YPEL5: variants seen among roughly 807,000 people sequenced by gnomAD.
The protein encoded by YPEL5 is protein yippee-like 5.
A neutral mutation model predicts 10.5 loss-of-function variants in YPEL5; 1 was observed. That is an observed-to-expected ratio of 0.10 (90% CI 0.03 to 0.45). The LOEUF is 0.45. Among genes scored for constraint, YPEL5 ranks in the 20% least tolerant of loss-of-function variants. The pLI, the probability that YPEL5 is intolerant of heterozygous loss-of-function variation, is 0.97. For missense variants in YPEL5, 68 were observed against 159.3 expected, an observed-to-expected ratio of 0.43 and a Z score of 3.09; for synonymous variants, 61 against 56.6, an observed-to-expected ratio of 1.08 and a Z score of -0.35.
intron 1 of YPEL5, among the ~76,000 whole-genome samples, chr2:30,147,363 G>A (rs959151824): frequency 1.3e-5 from 2 of 148,498 alleles, no homozygotes; most frequent in Non-Finnish European, 3.0e-5. Context: ...GACAACAGCC[G>A]CAACCCCTCC....
At chr2:30,148,627 A>G (rs1294440299) in intron 1 of YPEL5, 1 of 152,254 alleles carries the variant, frequency 6.6e-6, no homozygotes, top group Admixed American at 6.5e-5. Flanking sequence ...TCGAGCAATA[A>G]TTTTAGCAAG....
intron 1 of YPEL5, among the ~76,000 whole-genome samples, chr2:30,151,606 A>G (rs1675797587): frequency 6.6e-6 from 1 of 152,150 alleles, no homozygotes; most frequent in Admixed American, 6.6e-5. Context: ...CCTTTTTAGG[A>G]TTTTTATAAC....
intron 1 of YPEL5, among the ~76,000 whole-genome samples, chr2:30,150,751 C>T (rs773200472): frequency 5.9e-5 from 9 of 152,148 alleles, no homozygotes; most frequent in Non-Finnish European, 8.8e-5. Context: ...ATGCAAAGCT[C>T]TTTCACTATC....
Position 30,159,084 on chromosome 2 carries a change from T to C in YPEL5, c.*241T>C, listed in dbSNP as rs1676168832. 1 of 509,036 alleles carries C rather than the reference T, an allele frequency of 2.0e-6. No individual in the cohort carries two copies. 31.5% of individuals were successfully genotyped at this position (509,036 alleles called of 1,614,324 possible). ...TGCCGTTAATTTTTTACCCTATGTT[T>C]ACATCTTGAGGCAGCAGAGTCTGTC... On this transcript the variant is annotated 3_prime_UTR_variant, in exon 3 of 3. Coordinates refer to ENST00000261353, the MANE Select transcript of YPEL5 (RefSeq NM_016061.3).
Position 30,159,825 on chromosome 2 carries a change from C to T in YPEL5, c.*982C>T, listed in dbSNP as rs1676206404. ...AAATGAAGCAACTTGTCTAAAAATACTGCTTTACAAAGCATTTCAGCCTTT... is the reference window on the plus strand; with the variant it reads ...AAATGAAGCAACTTGTCTAAAAATATTGCTTTACAAAGCATTTCAGCCTTT... On this transcript the variant is annotated 3_prime_UTR_variant, in exon 3 of 3. Transcript: ENST00000261353. 1 of 152,324 alleles carries T rather than the reference C, an allele frequency of 6.6e-6. No homozygotes were observed. Among genetic ancestry groups the T allele is most frequent in the Admixed American group, 6.5e-5 (1 of 15,280 alleles). The allele number at this position is 152,324 out of a possible 1,614,324, so 9.4% of individuals were successfully genotyped here. A position where few individuals can be genotyped will look rare whatever the true frequency, so the allele number is the denominator to read the frequency against.
intron 1 of YPEL5, among the ~76,000 whole-genome samples, chr2:30,152,137 TGTAGA>T (rs1675822817): frequency 6.6e-6 from 1 of 152,192 alleles, no homozygotes; most frequent in Admixed American, 6.5e-5. Flanking sequence ...AACTTTGTCA[TGTAGA>T]GTATTCCTTA....
intron 1 of YPEL5, among the ~76,000 whole-genome samples, chr2:30,152,724 T>A (rs1317302516): frequency 6.6e-6 from 1 of 152,168 alleles, no homozygotes; most frequent in African/African-American, 2.4e-5. Context: ...CTTTAAAAAT[T>A]GTCAAAATTA....
intron 1 of YPEL5, chr2:30,155,927 A>G (rs981128560): frequency 6.6e-6 from 1 of 152,260 alleles, no homozygotes. Context: ...TGCATTCTGT[A>G]CTTTTCTGTA....
chr2:30,153,197 C>T lies in YPEL5; in HGVS notation c.-24-3431C>T, dbSNP rs1454082226. ...GATTACAGGTGTGAGCCACCGCGCC[C>T]GGCCTTTGTCCTCCTTAAATAAGTG... On this transcript the variant is annotated intron_variant, in intron 1 of 2. Coordinates refer to ENST00000261353, the MANE Select transcript of YPEL5 (RefSeq NM_016061.3). Among the ~76,000 whole-genome samples the T allele has an allele frequency of 3.3e-5, 5 of 152,300 alleles. No individual in the cohort carries two copies. In the East Asian group the frequency reaches 5.8e-4, roughly 18 times the overall value.
At chr2:30,150,695 A>G (rs538789928) in intron 1 of YPEL5, among the ~76,000 whole-genome samples, 1 of 152,360 alleles carries the variant, frequency 6.6e-6, no homozygotes, top group South Asian at 2.1e-4. Context: ...TTTAATCCCA[A>G]ATGCCAACCA....
chr2:30,152,654 C>T (rs546301726), intron 1 of YPEL5, among the ~76,000 whole-genome samples: 3 of 152,256 alleles, frequency 2.0e-5, no homozygotes, highest in East Asian at 3.9e-4. Flanking sequence ...GTGGCTTGGC[C>T]ACTTCTGGAA....
chr2:30,150,504 A>T (rs1489363114), intron 1 of YPEL5, among the ~76,000 whole-genome samples: 1 of 152,164 alleles, frequency 6.6e-6, no homozygotes, highest in Non-Finnish European at 1.5e-5. Context: ...TCCACAGTTT[A>T]AGTCCTGGGG....
intron 1 of YPEL5, among the ~76,000 whole-genome samples, chr2:30,155,436 T>G (rs536527415): frequency 2.0e-5 from 3 of 152,328 alleles, no homozygotes; most frequent in African/African-American, 7.2e-5. Context: ...AACAGTAGAT[T>G]CTCATTATGA....
intron 2 of YPEL5, 61 bp from the exon 3 acceptor site, chr2:30,158,558 G>A: frequency 6.6e-7 from 1 of 1,509,224 alleles, no homozygotes; most frequent in African/African-American, 1.4e-5. Context: ...ATAATATTTT[G>A]TACATACTTG....
chr2:30,147,826 G>C lies in YPEL5; in HGVS notation c.-25+764G>C, dbSNP rs916335743. 3.9e-5 allele frequency: 6 copies of C among 154,008 alleles called. No individual in the cohort carries two copies. The Admixed American group carries it at 3.9e-4, about 10-fold the overall frequency. 9.5% of individuals were successfully genotyped at this position (154,008 alleles called of 1,614,324 possible). A position where few individuals can be genotyped will look rare whatever the true frequency, so the allele number is the denominator to read the frequency against. ...GCTCAGCTGTTTCCTGCTCGTGTTT[G>C]TTGTGCCGAGGGAGGCCCCGCCGCC... On this transcript the variant is annotated intron_variant, in intron 1 of 2. Transcript: ENST00000261353.
intron 1 of YPEL5, among the ~76,000 whole-genome samples, chr2:30,148,952 G>C (rs1252532646): frequency 6.6e-6 from 1 of 152,202 alleles, no homozygotes; most frequent in Admixed American, 6.5e-5. Context: ...ATAATCCTGT[G>C]TAGTAATGTC....
chr2:30,158,860 C>G lies in YPEL5; in HGVS notation c.*17C>G, dbSNP rs1320205737. 5.6e-6 allele frequency: 9 copies of G among 1,611,132 alleles called. No individual in the cohort carries two copies. The highest frequency in any genetic ancestry group is 7.6e-6 in the Non-Finnish European group (9 of 1,177,738). On this transcript the variant is annotated 3_prime_UTR_variant, in exon 3 of 3. Coordinates refer to ENST00000261353, the MANE Select transcript of YPEL5 (RefSeq NM_016061.3). ...AACTCTTGAAGATACAGAGAGAAATCCATCTTTTCCCAGGTCTCCTTCACT... is the reference window on the plus strand; with the variant it reads ...AACTCTTGAAGATACAGAGAGAAATGCATCTTTTCCCAGGTCTCCTTCACT...
Position 30,159,169 on chromosome 2 carries a change from T to G in YPEL5, c.*326T>G, listed in dbSNP as rs1676172571. The G allele has an allele frequency of 4.2e-6, 1 of 240,708 alleles. No homozygotes were observed. Among genetic ancestry groups the G allele is most frequent in the South Asian group, 9.8e-5 (1 of 10,224 alleles). 14.9% of individuals were successfully genotyped at this position (240,708 alleles called of 1,614,324 possible). ...TCTGGGCTGTTAGAGTGAAAAAGTG[T>G]GTTTTATGTCAATTGTGAAAGGAAA... On this transcript the variant is annotated 3_prime_UTR_variant, in exon 3 of 3. Coordinates refer to ENST00000261353, the MANE Select transcript of YPEL5 (RefSeq NM_016061.3).
chr2:30,157,150 G>GT (rs1389000379), intron 2 of YPEL5, among the ~76,000 whole-genome samples: 9 of 152,130 alleles, frequency 5.9e-5, no homozygotes, highest in Non-Finnish European at 1.2e-4. Flanking sequence ...GGGCGTGGTG[G>GT]TGTGTGCCTC....
Sources: allele counts gnomAD v4.1 joint callset (sites outside exome capture counted in the v4.1 genomes callset), GRCh38; gene constraint gnomAD v4.1.1; transcripts MANE v1.5; gene names NCBI Gene and HGNC (gene_info 2026-07-23, HGNC 2026-07-21).